The following MACF1 variants were observed in gnomAD, a reference collection of about 807,000 sequenced individuals.
MACF1 encodes microtubule-actin cross-linking factor 1.
Under a neutral mutation model 854.8 loss-of-function variants are expected in MACF1, and 193 were observed. That is an observed-to-expected ratio of 0.23 (90% CI 0.20 to 0.25). The LOEUF (loss-of-function observed/expected upper bound fraction) is 0.25. MACF1 is among the 10% of genes least tolerant of loss of function. MACF1 has a pLI of 1.00. For synonymous variants in MACF1, 3,185 were observed against 3,226.7 expected, an observed-to-expected ratio of 0.99 and a Z score of 0.44; for missense variants, 7,722 against 8,929.1, an observed-to-expected ratio of 0.86 and a Z score of 5.45.
intron 2 of MACF1, among the ~76,000 whole-genome samples, chr1:39,100,271 T>G (rs1481790850): frequency 2.0e-5 from 3 of 151,952 alleles, no homozygotes; most frequent in African/African-American, 7.3e-5. Flanking sequence ...TCATTTGGGG[T>G]GAACTTTCAA....
intron 2 of MACF1, among the ~76,000 whole-genome samples, chr1:39,177,583 G>T (rs1013673059): frequency 6.6e-6 from 1 of 152,130 alleles, no homozygotes; most frequent in Non-Finnish European, 1.5e-5. Flanking sequence ...TATTGCTAAT[G>T]GAGAGAGGGA....
chr1:39,177,095 GA>G (rs1644039216), intron 2 of MACF1, among the ~76,000 whole-genome samples: 1 of 152,252 alleles, frequency 6.6e-6, no homozygotes, highest in Non-Finnish European at 1.5e-5. Context: ...TAAGGACTGA[GA>G]ATCGCTGTCA....
chr1:39,381,991 C>T lies in MACF1; in HGVS notation c.13687C>T (p.Arg4563Trp), dbSNP rs751589304. 7.4e-6 allele frequency: 12 copies of T among 1,613,934 alleles called. No homozygotes were observed. Among genetic ancestry groups the T allele is most frequent in the Admixed American group, 6.7e-5 (4 of 59,990 alleles). ...WERATEVTVA[R>W]QRQLEESASH... ...AAGGGCCACTGAGGTTACTGTGGCTCGGCAAAGGCAGCTAGAGGAATCTGC... is the reference window on the plus strand; with the variant it reads ...AAGGGCCACTGAGGTTACTGTGGCTTGGCAAAGGCAGCTAGAGGAATCTGC... The change falls in exon 56 of 101, where the codon CGG (arginine) becomes TGG (tryptophan). Residue 4563 changes from arginine (R) to tryptophan (W), a missense_variant. Coordinates refer to ENST00000564288, the MANE Select transcript of MACF1 (RefSeq NM_001394062.1).
intron 89 of MACF1, 189 bp from the exon 90 acceptor site, chr1:39,458,180 AT>A: frequency 1.8e-6 from 1 of 555,204 alleles, no homozygotes; most frequent in Non-Finnish European, 3.2e-6. Context: ...TGGAAATCAC[AT>A]TTCAACATGA....
At chr1:39,284,546 G>C in intron 11 of MACF1, 118 bp downstream of exon 11, 1 of 560,334 alleles carries the variant, frequency 1.8e-6, no homozygotes. Context: ...GTACTCTCCT[G>C]GTGACAAATA....
rs1647692058 is a variant in MACF1, at chr1:39,357,453, C to T, written c.11503C>T (p.His3835Tyr). ...TQSAQAFLDQHGHNLTPEEQQ... is the reference protein window; with the variant it reads ...TQSAQAFLDQYGHNLTPEEQQ... ...GTCAGCTCAGGCCTTCTTGGATCAG[C>T]ATGGCCACAATCTCACACCTGAGGA... Residue 3835 changes from histidine to tyrosine, a missense_variant, in exon 45 of 101, where the codon CAT becomes TAT. This residue lies in a region of MACF1 where 2,807 missense variants were observed against 3,235.8 expected (regional missense o/e 0.87). Transcript: ENST00000564288. The T allele has an allele frequency of 1.9e-6, 3 of 1,614,164 alleles. No homozygotes were observed. Among genetic ancestry groups the T allele is most frequent in the Non-Finnish European group, 2.5e-6 (3 of 1,180,038 alleles).
At chr1:39,449,690 G>A (rs1270720636) in intron 84 of MACF1, among the ~76,000 whole-genome samples, 2 of 137,154 alleles carry the variant, frequency 1.5e-5, no homozygotes, top group African/African-American at 2.8e-5. Context: ...GAGCCACCGC[G>A]CCTGGCATTT....
At chr1:39,155,895 T>G (rs954025328) in intron 2 of MACF1, among the ~76,000 whole-genome samples, 3 of 145,198 alleles carry the variant, frequency 2.1e-5, no homozygotes, top group Non-Finnish European at 4.6e-5. Flanking sequence ...AATTGTTTTG[T>G]TTTTTTTTTT....
Position 39,124,873 on chromosome 1 carries a change from C to T in MACF1, c.220+40435C>T, listed in dbSNP as rs545051934. 4.0e-4 allele frequency among the ~76,000 whole-genome samples: 61 copies of T among 152,288 alleles called. No homozygotes were observed. In the South Asian group the frequency reaches 4.4e-3, roughly 11 times the overall value. The stretch of plus-strand genomic sequence containing the variant: ...AGTGACTTGCCTGAGATCACATAGC[C>T]AGTCAGTGGCAGAATCAGGATTTGA... On this transcript the variant is annotated intron_variant, in intron 2 of 93. Transcript: ENST00000361689.
At chr1:39,113,763 C>CGGT (rs1447146719) in intron 2 of MACF1, among the ~76,000 whole-genome samples, 1 of 152,148 alleles carries the variant, frequency 6.6e-6, no homozygotes, top group Non-Finnish European at 1.5e-5. Flanking sequence ...TGGCCAGGTA[C>CGGT]GGTGGCTCAC....
chr1:39,443,854 T>C (rs1197826728), intron 79 of MACF1, among the ~76,000 whole-genome samples: 4 of 152,150 alleles, frequency 2.6e-5, no homozygotes, highest in Non-Finnish European at 4.4e-5. Context: ...AAGACAAATA[T>C]ACAACACAGA....
intron 84 of MACF1, among the ~76,000 whole-genome samples, chr1:39,450,050 G>A (rs1188542599): frequency 6.6e-6 from 1 of 151,846 alleles, no homozygotes; most frequent in Non-Finnish European, 1.5e-5. Flanking sequence ...TTTTATTAGA[G>A]ACGGGGTTTC....
intron 2 of MACF1, among the ~76,000 whole-genome samples, chr1:39,242,691 C>T (rs1218432381): frequency 2.0e-5 from 3 of 150,360 alleles, no homozygotes; most frequent in African/African-American, 7.4e-5. Context: ...GCTGTGATCG[C>T]GCCACTGCAC....
chr1:39,153,671 C>A (rs911380098), intron 2 of MACF1, among the ~76,000 whole-genome samples: 3 of 152,210 alleles, frequency 2.0e-5, no homozygotes, highest in African/African-American at 7.2e-5. Flanking sequence ...ACTTAATTTC[C>A]TTTAAAGCCT....
chr1:39,441,019 C>G lies in MACF1; in HGVS notation c.18464C>G (p.Thr6155Arg). The change falls in exon 73 of 101, where the codon ACA (threonine) becomes AGA (arginine). Residue 6155 changes from threonine to arginine, a missense_variant. Physicochemically the swap from Thr to Arg is moderately conservative, Grantham distance 71 (BLOSUM62 -1). Transcript: ENST00000564288. ...TACATGTAGACTATTAAGGAAGAGA[C>G]AGATGGTCTGCATGAAGAGCTGGAG... ...VEAAETIKEE[T>R]DGLHEELEFI... is the part of the protein sequence containing the mutation. 7 of 1,614,104 alleles carry G rather than the reference C, an allele frequency of 4.3e-6. No individual in the cohort carries two copies. The highest frequency in any genetic ancestry group is 5.9e-6 in the Non-Finnish European group (7 of 1,179,994).
At chr1:39,438,250 G>A (rs1047058380) in intron 71 of MACF1, among the ~76,000 whole-genome samples, 3 of 152,152 alleles carry the variant, frequency 2.0e-5, no homozygotes, top group Non-Finnish European at 4.4e-5. Flanking sequence ...AACCCCTAAC[G>A]TGAGTAAACT....
chr1:39,130,280 C>T (rs913379116), intron 2 of MACF1, among the ~76,000 whole-genome samples: 1 of 152,236 alleles, frequency 6.6e-6, no homozygotes, highest in African/African-American at 2.4e-5. Flanking sequence ...GCTTTAAAAA[C>T]ATTAGGCTAG....
intron 89 of MACF1, chr1:39,456,858 G>T (rs908236618): frequency 2.0e-5 from 3 of 152,240 alleles, no homozygotes; most frequent in African/African-American, 7.2e-5. Context: ...ATCCAACAGA[G>T]TTTTTTCAGT....
At chr1:39,422,225 G>A in intron 58 of MACF1, 149 bp from the exon 59 acceptor site, 1 of 574,340 alleles carries the variant, frequency 1.7e-6, no homozygotes, top group Admixed American at 3.3e-5. Flanking sequence ...ATGTTTTCTT[G>A]ATGCTTCACG....
Sources: gnomAD v4.1 joint callset for allele counts (sites outside exome capture counted in the v4.1 genomes callset) on GRCh38, gnomAD v4.1.1 for gene constraint, gnomAD v4.1.1 regional missense constraint, MANE v1.5 for transcripts, NCBI Gene and HGNC (gene_info 2026-07-23, HGNC 2026-07-21) for gene names.